The following NRXN3 variants were observed in gnomAD, a reference collection of about 807,000 sequenced individuals.
NRXN3 encodes the protein neurexin 3.
Under a neutral mutation model 137.6 loss-of-function variants are expected in NRXN3, and 32 were observed. The observed-to-expected ratio is 0.23, with a 90% CI of 0.18 to 0.31. The LOEUF (loss-of-function observed/expected upper bound fraction) is 0.31. NRXN3 is among the 10% of genes least tolerant of loss of function. NRXN3 has a pLI of 1.00. For synonymous variants in NRXN3, 798 were observed against 784.5 expected, an observed-to-expected ratio of 1.02 and a Z score of -0.29; for missense variants, 1,574 against 2,062.5, an observed-to-expected ratio of 0.76 and a Z score of 4.59.
At chr14:78,223,813 A>G (rs559408382) in intron 1 of NRXN3, among the ~76,000 whole-genome samples, 151 of 152,358 alleles carry the variant, frequency 9.9e-4, no homozygotes, top group African/African-American at 3.2e-3. Context: ...AGGCAGTTCC[A>G]AGGTAAGGTA....
chr14:79,605,010 C>A, intron 16 of NRXN3, among the ~76,000 whole-genome samples: 1 of 151,872 alleles, frequency 6.6e-6, no homozygotes, highest in East Asian at 1.9e-4. Flanking sequence ...CTAGCCTGGG[C>A]GACAGAGTGA....
At chr14:79,226,122 A>G (rs2070817372) in intron 15 of NRXN3, among the ~76,000 whole-genome samples, 1 of 152,074 alleles carries the variant, frequency 6.6e-6, no homozygotes, top group Non-Finnish European at 1.5e-5. Flanking sequence ...AGGAGCCATG[A>G]TCCTTCCTTC....
At chr14:79,767,256 C>A (rs1054178845) in intron 19 of NRXN3, among the ~76,000 whole-genome samples, 2 of 152,186 alleles carry the variant, frequency 1.3e-5, no homozygotes, top group African/African-American at 2.4e-5. Flanking sequence ...ATATTACAGA[C>A]CTTACTTTAA....
intron 15 of NRXN3, among the ~76,000 whole-genome samples, chr14:79,395,949 A>C (rs946555259): frequency 6.6e-6 from 1 of 152,206 alleles, no homozygotes; most frequent in Non-Finnish European, 1.5e-5. Context: ...CATGAGGTAA[A>C]TATCTTAAAG....
intron 19 of NRXN3, among the ~76,000 whole-genome samples, chr14:79,768,395 A>G (rs1300551242): frequency 6.6e-6 from 1 of 152,208 alleles, no homozygotes; most frequent in Non-Finnish European, 1.5e-5. Context: ...TGAAGAGAGC[A>G]GTGGTTCTCC....
At chr14:79,248,533 G>C (rs2075513988) in intron 15 of NRXN3, 1 of 151,556 alleles carries the variant, frequency 6.6e-6, no homozygotes, top group Non-Finnish European at 1.5e-5. Flanking sequence ...TAGTTTTCCT[G>C]TGTCCCCATG....
chr14:78,297,778 T>A (rs1318088940), intron 3 of NRXN3, 53 bp from the exon 4 acceptor site: 1 of 1,320,380 alleles, frequency 7.6e-7, no homozygotes, highest in Non-Finnish European at 1.1e-6. Context: ...TCTTTCTTTT[T>A]TTCCTTACCC....
At chr14:78,304,964 G>C (rs901269730) in intron 4 of NRXN3, among the ~76,000 whole-genome samples, 7 of 152,208 alleles carry the variant, frequency 4.6e-5, no homozygotes, top group African/African-American at 1.7e-4. Context: ...ACACACACCT[G>C]CGTGCCAGAT....
chr14:78,516,578 G>A lies in NRXN3; in HGVS notation c.758-128542G>A, dbSNP rs1053042903. Among the ~76,000 whole-genome samples, 12 of 151,636 alleles carry A rather than the reference G, an allele frequency of 7.9e-5. No individual in the cohort carries two copies. The East Asian group carries it at 2.4e-3, about 30-fold the overall frequency. ...GCTTTCAATTTTCTGCTTGGGTGTT[G>A]GTGGAGAGCACCGAGGTCAACATCC... On this transcript the variant is annotated intron_variant, in intron 4 of 20. Coordinates refer to ENST00000335750, the MANE Select transcript of NRXN3 (RefSeq NM_001330195.2).
chr14:78,395,835 T>G (rs752019166), intron 4 of NRXN3, among the ~76,000 whole-genome samples: 4 of 152,034 alleles, frequency 2.6e-5, no homozygotes, highest in Non-Finnish European at 5.9e-5. Flanking sequence ...TTTGTGTGAT[T>G]TATCTTTTTC....
chr14:79,385,298 G>C (rs913113966), intron 15 of NRXN3, among the ~76,000 whole-genome samples: 1 of 145,878 alleles, frequency 6.9e-6, no homozygotes, highest in Non-Finnish European at 1.5e-5. Flanking sequence ...CTATGAGTGA[G>C]AATATGTGGT....
At chr14:79,346,158 G>A (rs1406642414) in intron 15 of NRXN3, among the ~76,000 whole-genome samples, 2 of 152,174 alleles carry the variant, frequency 1.3e-5, no homozygotes, top group Non-Finnish European at 2.9e-5. Context: ...AGTGGCTCAC[G>A]CCTATAATCC....
At chr14:78,759,717 A>G (rs2098685029) in intron 8 of NRXN3, among the ~76,000 whole-genome samples, 2 of 152,220 alleles carry the variant, frequency 1.3e-5, no homozygotes, top group Admixed American at 1.3e-4. Context: ...GAAAGAAAAA[A>G]GGCAAAAAAT....
intron 16 of NRXN3, among the ~76,000 whole-genome samples, chr14:79,581,223 A>G (rs989908166): frequency 5.9e-5 from 9 of 152,188 alleles, no homozygotes; most frequent in African/African-American, 1.7e-4. Flanking sequence ...AAGTTAGGAC[A>G]TATCTTTAGA....
chr14:79,525,414 A>T (rs548527603), intron 16 of NRXN3, among the ~76,000 whole-genome samples: 1 of 151,796 alleles, frequency 6.6e-6, no homozygotes, highest in African/African-American at 2.4e-5. Flanking sequence ...TCATGATCAG[A>T]ATTTCCTGCA....
chr14:79,736,912 T>C (rs1011979382), intron 19 of NRXN3, among the ~76,000 whole-genome samples: 1 of 152,170 alleles, frequency 6.6e-6, no homozygotes, highest in Admixed American at 6.5e-5. Flanking sequence ...AGGGAAGATG[T>C]AACTTAATCT....
rs954043641 is a variant in NRXN3 at position 79,751,198 on chromosome 14, C to G, written c.4014+53261C>G. On this transcript the variant is annotated intron_variant, in intron 19 of 20. Transcript: ENST00000335750. ...TTTCACGATATTGATTCTTCCTACC[C>G]ATGAGCATGGAATGTTCTTCCATTT... Among the ~76,000 whole-genome samples the G allele has an allele frequency of 1.6e-3, 242 of 152,248 alleles. 1 individual carries two copies. The highest frequency in any genetic ancestry group is 5.7e-3 in the African/African-American group (235 of 41,562).
chr14:78,323,073 TG>T (rs2079590278), intron 4 of NRXN3, among the ~76,000 whole-genome samples: 1 of 152,086 alleles, frequency 6.6e-6, no homozygotes, highest in African/African-American at 2.4e-5. Context: ...TGACTGTATC[TG>T]ATTAACTAGT....
chr14:78,689,178 A>T (rs1296488922), intron 6 of NRXN3, among the ~76,000 whole-genome samples: 1 of 152,076 alleles, frequency 6.6e-6, no homozygotes, highest in Admixed American at 6.6e-5. Context: ...TTTCTCTAAA[A>T]ACTACTTAAA....
Sources: allele counts gnomAD v4.1 joint callset (sites outside exome capture counted in the v4.1 genomes callset), GRCh38; gene constraint gnomAD v4.1.1; transcripts MANE v1.5; gene names NCBI Gene and HGNC (gene_info 2026-07-23, HGNC 2026-07-21).